Variants in EIF4G1 observed in about 807,000 individuals in gnomAD.
The protein encoded by EIF4G1 is EIF4-gamma.
Under a neutral mutation model 187.8 loss-of-function variants are expected in EIF4G1, and 4 were observed. That is an observed-to-expected ratio of 0.02 (90% CI 0.01 to 0.05). EIF4G1 has a LOEUF of 0.05. EIF4G1 is among the 10% of genes least tolerant of loss of function. EIF4G1 has a pLI of 1.00. For missense variants in EIF4G1, 1,647 were observed against 2,081.1 expected, an observed-to-expected ratio of 0.79 and a Z score of 4.06; for synonymous variants, 844 against 781.4, an observed-to-expected ratio of 1.08 and a Z score of -1.34.
At chr3:184,326,137 AACACACACAC>A (rs34901174) in intron 21 of EIF4G1, among the ~76,000 whole-genome samples, 186 bp downstream of exon 21, 222 of 147,056 alleles carry the variant, frequency 1.5e-3, no homozygotes, top group African/African-American at 5.1e-3. Flanking sequence ...GTGTTTGGCA[AACACACACAC>A]ACACACACAC....
At chr3:184,326,660 T>A (rs1271041739) in intron 22 of EIF4G1, 31 bp downstream of exon 22, 4 of 1,603,982 alleles carry the variant, frequency 2.5e-6, no homozygotes, top group Non-Finnish European at 3.4e-6. Context: ...GCTGGGTGGT[T>A]ACCCGTCAGA....
chr3:184,323,148 C>T lies in EIF4G1; in HGVS notation c.1995C>T (p.Asp665=), dbSNP rs1290706925. The part of the protein sequence containing the change: ...TRLQGINCGP[D]FTPSFANLGR... ...TACAAGGCATAAATTGTGGCCCAGACTTCACTCCATCCTTTGCCAACCTTG... is the reference window on the plus strand; with the variant it reads ...TACAAGGCATAAATTGTGGCCCAGATTTCACTCCATCCTTTGCCAACCTTG... Residue 665 remains aspartate (D), a synonymous_variant, in exon 14 of 33, where the codon GAC becomes GAT. Coordinates refer to ENST00000346169, the MANE Select transcript of EIF4G1 (RefSeq NM_198241.3). This position sits in a 1 kb window ranked among gnomAD's most constrained non-coding sequence, Gnocchi z 6.9. 1.2e-5 allele frequency: 19 copies of T among 1,614,116 alleles called. No homozygotes were observed. The Admixed American group carries it at 3.0e-4, about 25-fold the overall frequency.
At position 184,326,647 on chromosome 3, in the gene EIF4G1, G is replaced by A. The variant is rs1315279500; in HGVS notation, c.3325+18G>A. 3.1e-6 allele frequency: 5 copies of A among 1,606,276 alleles called. No individual in the cohort carries two copies. The African/African-American group carries it at 6.7e-5, about 21-fold the overall frequency. ...AGACGCAGGTATGGAGGCAGTGTCA[G>A]GAGCTGGGTGGTTACCCGTCAGAGC... On this transcript the variant is annotated intron_variant, in intron 22 of 32. Coordinates refer to ENST00000346169, the MANE Select transcript of EIF4G1 (RefSeq NM_198241.3).
At position 184,327,972 on chromosome 3, in the gene EIF4G1, G is replaced by A. The variant is rs1371194656; in HGVS notation, c.3923G>A (p.Gly1308Glu). 6.2e-7 allele frequency: 1 copy of A among 1,608,770 alleles called. No individual in the cohort carries two copies. The highest frequency in any genetic ancestry group is 8.5e-7 in the Non-Finnish European group (1 of 1,179,996). The change falls in exon 26 of 33, where the codon GGG becomes GAG. Residue 1308 changes from glycine (G) to glutamate (E), a missense_variant. This residue lies in a region of EIF4G1 where 543 missense variants were observed against 638.0 expected (regional missense o/e 0.85). Transcript: ENST00000346169. ...CTGCTGCACCAGCTGCTCTGTGCTGGGCATCTGTCTACTGCTCAGTACTAC... is the reference window on the plus strand; with the variant it reads ...CTGCTGCACCAGCTGCTCTGTGCTGAGCATCTGTCTACTGCTCAGTACTAC... ...GQLLHQLLCAGHLSTAQYYQG... is the reference protein window; with the variant it reads ...GQLLHQLLCAEHLSTAQYYQG...
In EIF4G1 at chr3:184,314,827, C is replaced by T. The variant is rs1034004373; in HGVS notation, c.-92+153C>T. ...GGCCCCGGCCCGCCAGGGTCCCGATCCCCGGCCCACGTGTGCCTGGCCCGG... is the reference window on the plus strand; with the variant it reads ...GGCCCCGGCCCGCCAGGGTCCCGATTCCCGGCCCACGTGTGCCTGGCCCGG... On this transcript the variant is annotated intron_variant, in intron 1 of 32. Transcript: ENST00000346169. Among the ~76,000 whole-genome samples, 5 of 149,426 alleles carry T rather than the reference C, an allele frequency of 3.3e-5. No homozygotes were observed. The East Asian group carries it at 8.0e-4, about 24-fold the overall frequency.
rs1455961756 is a variant in EIF4G1, at chr3:184,325,711, C to A, written c.3121+72C>A. On this transcript the variant is annotated intron_variant, in intron 20 of 32. Coordinates refer to ENST00000346169, the MANE Select transcript of EIF4G1 (RefSeq NM_198241.3). This position sits in a 1 kb window ranked among gnomAD's most constrained non-coding sequence, Gnocchi z 5.2. Reference sequence around the variant, plus strand: ...AGGTTATACTTTCCTCTGATGACTTCCTGTTAGTGCCACGTGTCTGGGCCA... The same window carrying A: ...AGGTTATACTTTCCTCTGATGACTTACTGTTAGTGCCACGTGTCTGGGCCA... The A allele has an allele frequency of 4.3e-6, 7 of 1,612,480 alleles. No homozygotes were observed. The highest frequency in any genetic ancestry group is 5.9e-6 in the Non-Finnish European group (7 of 1,178,756).
chr3:184,328,682 C>A lies in EIF4G1; in HGVS notation c.4005C>A (p.His1335Gln). 6.2e-7 allele frequency: 1 copy of A among 1,614,008 alleles called. No individual in the cohort carries two copies. The highest frequency in any genetic ancestry group is 1.1e-5 in the South Asian group (1 of 91,064). Reference sequence around the variant, plus strand: ...AGGACATGGAAATTGACATCCCCCACGTGTGGCTCTACCTAGCGGAACTGG... The same window carrying A: ...AGGACATGGAAATTGACATCCCCCAAGTGTGGCTCTACCTAGCGGAACTGG... ...LAEDMEIDIP[H>Q]VWLYLAELVT... Residue 1335 changes from histidine (H) to glutamine (Q), a missense_variant, in exon 27 of 33, where the codon CAC becomes CAA. Around this residue, in one of 11 missense-constraint regions of EIF4G1, gnomAD observed 543 missense variants for 638.0 expected, o/e 0.85. Transcript: ENST00000346169.
At chr3:184,332,984 G>C (rs1726430278) in intron 32 of EIF4G1, among the ~76,000 whole-genome samples, 1 of 152,220 alleles carries the variant, frequency 6.6e-6, no homozygotes, top group African/African-American at 2.4e-5. Flanking sequence ...TTAGTTTTTA[G>C]ATCATCTTGG....
At position 184,325,718 on chromosome 3, in the gene EIF4G1, G is replaced by A; in HGVS notation, c.3121+79G>A. On this transcript the variant is annotated intron_variant, in intron 20 of 32. Coordinates refer to ENST00000346169, the MANE Select transcript of EIF4G1 (RefSeq NM_198241.3). This position sits in a 1 kb window ranked among gnomAD's most constrained non-coding sequence, Gnocchi z 5.2. Reference sequence around the variant, plus strand: ...ACTTTCCTCTGATGACTTCCTGTTAGTGCCACGTGTCTGGGCCACTGAGAC... The same window carrying A: ...ACTTTCCTCTGATGACTTCCTGTTAATGCCACGTGTCTGGGCCACTGAGAC... 1 of 1,612,588 alleles carries A rather than the reference G, an allele frequency of 6.2e-7. No individual in the cohort carries two copies. Among genetic ancestry groups the A allele is most frequent in the Non-Finnish European group, 8.5e-7 (1 of 1,178,696 alleles).
Position 184,322,430 on chromosome 3 carries a change from C to T in EIF4G1, c.1588C>T (p.Leu530Phe). The T allele has an allele frequency of 1.2e-6, 2 of 1,614,104 alleles. No homozygotes were observed. Among genetic ancestry groups the T allele is most frequent in the South Asian group, 2.2e-5 (2 of 91,086 alleles). Residue 530 changes from leucine to phenylalanine, a missense_variant, in exon 11 of 33, where the codon CTT (leucine) becomes TTT (phenylalanine). By Grantham distance (22) the Leu-to-Phe change is conservative. This residue lies in a region of EIF4G1 where 522 missense variants were observed against 485.2 expected (regional missense o/e 1.08). Coordinates refer to ENST00000346169, the MANE Select transcript of EIF4G1 (RefSeq NM_198241.3). ...AAATAAGAAGGAGGCTGTTGGAGAC[C>T]TTCTGGATGCCTTCAAGGAGGTAAG... ...ELNKKEAVGD[L>F]LDAFKEANPA... is the part of the protein sequence containing the mutation.
chr3:184,325,414 C>T lies in EIF4G1; in HGVS notation c.2961+41C>T. ...CTCCCCACTGCCAGCCTGCTGCCTC[C>T]AGTTTCTGACACTGCCTTGTCTTGC... On this transcript the variant is annotated intron_variant, in intron 19 of 32. Coordinates refer to ENST00000346169, the MANE Select transcript of EIF4G1 (RefSeq NM_198241.3). This position sits in a 1 kb window ranked among gnomAD's most constrained non-coding sequence, Gnocchi z 5.2. 2 of 1,614,148 alleles carry T rather than the reference C, an allele frequency of 1.2e-6. No individual in the cohort carries two copies. Among genetic ancestry groups the T allele is most frequent in the Admixed American group, 3.3e-5 (2 of 60,034 alleles).
chr3:184,325,827 AG>A lies in EIF4G1; in HGVS notation c.3122-23del. 2 of 1,613,922 alleles carry A rather than the reference AG, an allele frequency of 1.2e-6. No homozygotes were observed. The highest frequency in any genetic ancestry group is 1.7e-6 in the Non-Finnish European group (2 of 1,179,816). ...GCTGCTAGGATTTATTCATTATTCC[AG>A]TATGCCCCTCTTTTTGTGTCAGGCC... On this transcript the variant is annotated intron_variant, in intron 20 of 32. Transcript: ENST00000346169. This position sits in a 1 kb window ranked among gnomAD's most constrained non-coding sequence, Gnocchi z 5.2.
chr3:184,326,666 T>G, intron 22 of EIF4G1, 37 bp downstream of exon 22: 6 of 1,602,002 alleles, frequency 3.7e-6, no homozygotes, highest in Non-Finnish European at 5.1e-6. Context: ...TGGTTACCCG[T>G]CAGAGCTCCC....
At chr3:184,318,809 T>C (rs903642742) in intron 6 of EIF4G1, among the ~76,000 whole-genome samples, 9 of 151,324 alleles carry the variant, frequency 5.9e-5, no homozygotes, top group Admixed American at 4.6e-4. Context: ...TTCATCATGT[T>C]GACCAGGCTG....
intron 10 of EIF4G1, 124 bp from the exon 11 acceptor site, chr3:184,322,238 G>A: frequency 2.0e-6 from 3 of 1,537,476 alleles, no homozygotes; most frequent in Non-Finnish European, 2.7e-6. Context: ...GGACTTTTAA[G>A]CCTAAAAAGG....
chr3:184,332,887 T>C (rs1726406650), intron 32 of EIF4G1, among the ~76,000 whole-genome samples: 1 of 152,192 alleles, frequency 6.6e-6, no homozygotes, highest in South Asian at 2.1e-4. Flanking sequence ...GGGCCGGGTG[T>C]AAGCCATGGC....
chr3:184,320,195 G>T, intron 7 of EIF4G1: 2 of 1,101,214 alleles, frequency 1.8e-6, no homozygotes, highest in African/African-American at 1.6e-5. Context: ...CCTGGGCGTG[G>T]TGCCCAGAAT....
chr3:184,325,421 T>G lies in EIF4G1; in HGVS notation c.2961+48T>G, dbSNP rs897718156. ...CTGCCAGCCTGCTGCCTCCAGTTTC[T>G]GACACTGCCTTGTCTTGCCTTCCCT... On this transcript the variant is annotated intron_variant, in intron 19 of 32. Coordinates refer to ENST00000346169, the MANE Select transcript of EIF4G1 (RefSeq NM_198241.3). The surrounding 1 kb of genome is among the most constrained non-coding windows in gnomAD (Gnocchi z 5.2). 6 of 1,614,224 alleles carry G rather than the reference T, an allele frequency of 3.7e-6. No individual in the cohort carries two copies. The highest frequency in any genetic ancestry group is 5.1e-6 in the Non-Finnish European group (6 of 1,180,024).
At position 184,317,728 on chromosome 3, in the gene EIF4G1, A is replaced by G; in HGVS notation, c.336A>G (p.Thr112=). 6.8e-6 allele frequency: 11 copies of G among 1,614,034 alleles called. No individual in the cohort carries two copies. Among genetic ancestry groups the G allele is most frequent in the Non-Finnish European group, 9.3e-6 (11 of 1,179,992 alleles). The part of the protein sequence containing the change: ...AYYIPGQGRS[T]YVVPTQQYPV... ...CCCTTCCCCACCAGGGGCGTTCCAC[A>G]TACGTTGTCCCGACACAGCAGTACC... is the stretch of plus-strand genomic sequence containing the variant. Residue 112 remains threonine, a synonymous_variant, in exon 6 of 33, where the codon ACA becomes ACG. Transcript: ENST00000346169.
Sources: allele counts gnomAD v4.1 joint callset (sites outside exome capture counted in the v4.1 genomes callset), GRCh38; gene constraint gnomAD v4.1.1; regional missense constraint gnomAD v4.1.1; non-coding constraint Gnocchi (gnomAD v3.1); transcripts MANE v1.5; gene names NCBI Gene and HGNC (gene_info 2026-07-23, HGNC 2026-07-21).